ARL13B: variants seen among roughly 807,000 people sequenced by gnomAD.
ARL13B encodes ADP-ribosylation factor-like protein 13B.
In ARL13B, 36 loss-of-function variants were observed where a neutral mutation model predicts 56.1. The ratio of observed to expected loss-of-function variants is 0.64; its 90% CI spans 0.49 to 0.85. The LOEUF (loss-of-function observed/expected upper bound fraction) is 0.85, where lower values mean the gene tolerates loss of function less well. Among genes scored for constraint, ARL13B ranks in the 40% least tolerant of loss-of-function variants. The probability of loss-of-function intolerance (pLI) is 0.00; values close to 1 mark genes in which losing one functional copy is unlikely to be tolerated. For missense variants in ARL13B, 519 were observed against 507.1 expected (o/e 1.02, Z -0.23); for synonymous variants, 178 against 171.1 (o/e 1.04, Z -0.32).
intron 6 of ARL13B, among the ~76,000 whole-genome samples, chr3:94,042,500 T>G (rs2076880432): frequency 6.6e-6 from 1 of 152,234 alleles, no homozygotes; most frequent in Non-Finnish European, 1.5e-5. Flanking sequence ...CTAACATTTA[T>G]GTAGCATTTA....
chr3:93,983,537 A>G (rs1397694216), intron 1 of ARL13B, among the ~76,000 whole-genome samples: 1 of 152,192 alleles, frequency 6.6e-6, no homozygotes, highest in Non-Finnish European at 1.5e-5. Flanking sequence ...CACAGTTTCT[A>G]CTCCTACCAA....
rs2076093219 is a variant in ARL13B at position 94,003,925 on chromosome 3, T to A, written c.380+17T>A. On this transcript the variant is annotated intron_variant, in intron 3 of 9. Transcript: ENST00000394222. ...TATATTGGTGTAAGTAATGTTAGCA[T>A]CATTGTAAATGTAGGGACGATGGCA... is the stretch of plus-strand genomic sequence containing the variant. 6.2e-7 allele frequency: 1 copy of A among 1,612,834 alleles called. No homozygotes were observed. The highest frequency in any genetic ancestry group is 8.5e-7 in the Non-Finnish European group (1 of 1,179,466).
chr3:94,027,879 A>G (rs1481757006), intron 3 of ARL13B, among the ~76,000 whole-genome samples: 1 of 152,110 alleles, frequency 6.6e-6, no homozygotes, highest in Non-Finnish European at 1.5e-5. Context: ...TTTCAATTTT[A>G]GAAGATTCTA....
At chr3:93,986,704 C>T (rs982109386) in intron 1 of ARL13B, among the ~76,000 whole-genome samples, 6 of 152,110 alleles carry the variant, frequency 3.9e-5, no homozygotes, top group African/African-American at 7.2e-5. Context: ...CATGATGGCT[C>T]GCACCTGTAA....
At chr3:93,988,874 A>T (rs1710603071) in intron 1 of ARL13B, 1 of 373,754 alleles carries the variant, frequency 2.7e-6, no homozygotes, top group African/African-American at 2.2e-5. Flanking sequence ...GGTTTAGCTG[A>T]CAAGTGCGCA....
chr3:94,015,869 A>G (rs1485229017), intron 3 of ARL13B, among the ~76,000 whole-genome samples: 1 of 152,150 alleles, frequency 6.6e-6, no homozygotes, highest in Non-Finnish European at 1.5e-5. Flanking sequence ...TAGCTGTTGC[A>G]TATATGTGAA....
chr3:94,011,248 C>G (rs555190711), intron 3 of ARL13B, among the ~76,000 whole-genome samples: 114 of 152,168 alleles, frequency 7.5e-4, no homozygotes, highest in African/African-American at 2.7e-3. Flanking sequence ...CACTGTCTTG[C>G]TTAGACCCAG....
chr3:93,991,667 G>A (rs575751672), intron 1 of ARL13B, among the ~76,000 whole-genome samples: 4 of 152,264 alleles, frequency 2.6e-5, no homozygotes, highest in African/African-American at 4.8e-5. Context: ...CACCATGTCC[G>A]TCCAATTTAT....
intron 3 of ARL13B, chr3:94,014,675 G>A: frequency 6.2e-7 from 1 of 1,613,446 alleles, no homozygotes; most frequent in Non-Finnish European, 8.5e-7. Flanking sequence ...ATTTCTGTAA[G>A]TAAGCTTTCA....
At chr3:93,983,438 A>G (rs545639903) in intron 1 of ARL13B, among the ~76,000 whole-genome samples, 1 of 152,304 alleles carries the variant, frequency 6.6e-6, no homozygotes, top group South Asian at 2.1e-4. Flanking sequence ...GAATGTGGAA[A>G]TAAACTCTTG....
At chr3:93,996,531 A>G in intron 2 of ARL13B, 1 of 263,486 alleles carries the variant, frequency 3.8e-6, no homozygotes, top group South Asian at 3.5e-5. Flanking sequence ...TTTTTTTTTT[A>G]ATTTTTAATT....
intron 1 of ARL13B, among the ~76,000 whole-genome samples, chr3:93,987,104 T>A (rs1710508078): frequency 6.6e-6 from 1 of 152,172 alleles, no homozygotes; most frequent in African/African-American, 2.4e-5. Flanking sequence ...GATTCAGAAT[T>A]TAAATGTTTT....
chr3:94,015,995 G>A (rs1040197986), intron 3 of ARL13B, among the ~76,000 whole-genome samples: 1 of 152,030 alleles, frequency 6.6e-6, no homozygotes. Flanking sequence ...TTATAAACAT[G>A]AGAATATATT....
intron 3 of ARL13B, among the ~76,000 whole-genome samples, chr3:94,010,808 A>G (rs537808290): frequency 8.5e-5 from 13 of 152,076 alleles, no homozygotes; most frequent in Non-Finnish European, 4.4e-5. Context: ...GAAAATAACT[A>G]TTTTACAAAT....
In ARL13B at chr3:94,050,745, T is replaced by C. The variant is rs2077053770; in HGVS notation, c.1142-79T>C. On this transcript the variant is annotated intron_variant, in intron 8 of 9. Coordinates refer to ENST00000394222, the MANE Select transcript of ARL13B (RefSeq NM_001174150.2). ...ACATTGAATGTTACATATGCTTCCT[T>C]TCCAGGGAGGGATCCTCTCAACAGA... 1.1e-5 allele frequency: 14 copies of C among 1,220,928 alleles called. No homozygotes were observed. In the South Asian group the frequency reaches 1.6e-4, roughly 14 times the overall value. The allele number at this position is 1,220,928 out of a possible 1,614,324, so 75.6% of individuals were successfully genotyped here.
chr3:94,015,191 C>T (rs200622294), intron 3 of ARL13B: 3 of 1,613,452 alleles, frequency 1.9e-6, no homozygotes, highest in Admixed American at 3.3e-5. Context: ...TCCTCTGTTT[C>T]TGTAGTTGAT....
intron 2 of ARL13B, among the ~76,000 whole-genome samples, chr3:94,001,915 A>T (rs1373544838): frequency 6.6e-6 from 1 of 152,198 alleles, no homozygotes; most frequent in African/African-American, 2.4e-5. Context: ...CTGGAAAATC[A>T]TTCTGCTTAT....
In ARL13B at chr3:94,035,258, T is replaced by C. The variant is rs533352208; in HGVS notation, c.381-73T>C. The C allele has an allele frequency of 3.0e-4, 289 of 949,052 alleles. 1 individual carries two copies. In the African/African-American group the frequency reaches 4.2e-3, roughly 14 times the overall value. The allele number at this position is 949,052 out of a possible 1,614,324, so 58.8% of individuals were successfully genotyped here. ...TCTCAAAAAAAAAAAAAAAAAAGAA[T>C]GTGGTCAAAATATCTTTAAGTTTCC... On this transcript the variant is annotated intron_variant, in intron 3 of 9. Transcript: ENST00000394222.
chr3:93,988,960 G>A (rs572039582), intron 1 of ARL13B: 123 of 301,038 alleles, frequency 4.1e-4, no homozygotes, highest in African/African-American at 2.7e-3. Context: ...GGCGGCAGGA[G>A]GGGCACTTGC....
Sources: allele counts gnomAD v4.1 joint callset (sites outside exome capture counted in the v4.1 genomes callset), GRCh38; gene constraint gnomAD v4.1.1; transcripts MANE v1.5; gene names NCBI Gene and HGNC (gene_info 2026-07-23, HGNC 2026-07-21).